CCDC171: variants seen among roughly 807,000 people sequenced by gnomAD.
CCDC171 encodes coiled-coil domain-containing protein 171.
A neutral mutation model predicts 168.2 loss-of-function variants in CCDC171; 177 were observed. The ratio of observed to expected loss-of-function variants is 1.05; its 90% CI spans 0.93 to 1.19. The LOEUF is 1.19. Ranked by LOEUF, CCDC171 falls within the 50% of genes most tolerant of loss-of-function variation. CCDC171 has a pLI of 0.00. For synonymous variants in CCDC171, 687 were observed against 540.8 expected (o/e 1.27, Z -3.75); for missense variants, 1,991 against 1,539.0 (o/e 1.29, Z -4.91).
chr9:15,557,280 A>G (rs2038889208), intron 1 of CCDC171, among the ~76,000 whole-genome samples: 1 of 152,166 alleles, frequency 6.6e-6, no homozygotes, highest in South Asian at 2.1e-4. Flanking sequence ...CTGTGAAGAA[A>G]GTCATTGGTA....
downstream of CCDC171, among the ~76,000 whole-genome samples, chr9:16,062,085 C>G (rs1328018571): frequency 6.6e-6 from 1 of 152,130 alleles, no homozygotes; most frequent in African/African-American, 2.4e-5. Context: ...CAGAGCCAAC[C>G]CCAACACATC....
intron 18 of CCDC171, among the ~76,000 whole-genome samples, chr9:15,773,887 A>C (rs1173253509): frequency 1.3e-5 from 2 of 152,178 alleles, no homozygotes; most frequent in Non-Finnish European, 2.9e-5. Context: ...TTCACAATCT[A>C]TACATCCGAC....
chr9:16,081,876 G>A, the CCDC171 span, among the ~76,000 whole-genome samples: 64 of 151,520 alleles, frequency 4.2e-4, 1 homozygote, highest in Admixed American at 3.7e-3. Flanking sequence ...ACCCAGGACA[G>A]AGATGCTCAC....
intron 7 of CCDC171, 94 bp downstream of exon 7, chr9:15,623,507 A>ACACACACACACG: frequency 1.5e-6 from 1 of 662,460 alleles, no homozygotes; most frequent in East Asian, 3.3e-5. Flanking sequence ...ACACACACAC[A>ACACACACACACG]TAAAACCCAT....
chr9:16,030,856 G>A (rs1483777946), intron 6 of CCDC171, among the ~76,000 whole-genome samples: 4 of 152,290 alleles, frequency 2.6e-5, no homozygotes, highest in South Asian at 2.1e-4. Flanking sequence ...TCTGGGGAAC[G>A]CAGATATTTT....
intron 21 of CCDC171, among the ~76,000 whole-genome samples, chr9:15,806,895 A>G (rs1351072101): frequency 1.3e-5 from 2 of 152,050 alleles, no homozygotes; most frequent in African/African-American, 4.8e-5. Flanking sequence ...ACGTAATCCC[A>G]TGTTTCTCAG....
intron 11 of CCDC171, among the ~76,000 whole-genome samples, 160 bp downstream of exon 11, chr9:15,695,497 G>A (rs1007458093): frequency 5.9e-5 from 9 of 152,194 alleles, no homozygotes; most frequent in African/African-American, 2.2e-4. Context: ...GGCCTAGCTG[G>A]CTGAGAAAGG....
Position 15,571,735 on chromosome 9 carries a change from A to C in CCDC171, c.153A>C (p.Glu51Asp), listed in dbSNP as rs1397070890. The C allele has an allele frequency of 1.3e-6, 2 of 1,589,712 alleles. No individual in the cohort carries two copies. Among genetic ancestry groups the C allele is most frequent in the Non-Finnish European group, 1.7e-6 (2 of 1,174,202 alleles). ...ATTGGGCTAAAAAAGAAAAGTTAGA[A>C]ATAACAACCAAACACAATGCAGAGG... is the stretch of plus-strand genomic sequence containing the variant. ...KLHWAKKEKL[E>D]ITTKHNAELA... The change falls in exon 3 of 26, where the codon GAA (glutamate) becomes GAC (aspartate). Residue 51 changes from glutamate (E) to aspartate (D), a missense_variant. Physicochemically the swap from Glu to Asp is conservative, Grantham distance 45. Coordinates refer to ENST00000380701, the MANE Select transcript of CCDC171 (RefSeq NM_173550.4).
chr9:16,039,009 C>G (rs552991694), upstream of CCDC171, among the ~76,000 whole-genome samples: 4 of 152,140 alleles, frequency 2.6e-5, no homozygotes, highest in Admixed American at 1.3e-4. Context: ...CTTGAAGTCC[C>G]AAGAGGAACT....
rs561850582 is a variant in CCDC171 at position 15,645,305 on chromosome 9, G to T, written c.823-11822G>T. 1.5e-4 allele frequency among the ~76,000 whole-genome samples: 22 copies of T among 151,700 alleles called. No individual in the cohort carries two copies. The South Asian group carries it at 2.7e-3, about 19-fold the overall frequency. On this transcript the variant is annotated intron_variant, in intron 7 of 25. Transcript: ENST00000380701. ...GATGGGGAAAAAACAGAGCAGAAAA[G>T]CTGAAAATTCTAAAAATCAGAGCTC...
chr9:15,589,218 TGTG>T (rs2041813973), intron 4 of CCDC171, among the ~76,000 whole-genome samples: 1 of 152,126 alleles, frequency 6.6e-6, no homozygotes, highest in South Asian at 2.1e-4. Context: ...ACAAACACCT[TGTG>T]GTGTGGAAAA....
rs544613548 is a variant in CCDC171, at chr9:16,043,281, TG to T, written n.89+396del. Among the ~76,000 whole-genome samples the T allele has an allele frequency of 2.0e-5, 3 of 152,340 alleles. No individual in the cohort carries two copies. The South Asian group carries it at 6.2e-4, about 32-fold the overall frequency. ...GAGTAAAATTTTTATTATATATTTT[TG>T]TGTGTTAATGCCATTAGTGTATCCT... On this transcript the variant is annotated intron_variant and non_coding_transcript_variant, in intron 1 of 1. Transcript: ENST00000478913.
At chr9:15,562,365 T>C (rs531664233) in intron 1 of CCDC171, among the ~76,000 whole-genome samples, 1 of 152,268 alleles carries the variant, frequency 6.6e-6, no homozygotes, top group South Asian at 2.1e-4. Context: ...TTATATAATG[T>C]AATCATAAGA....
chr9:15,778,649 A>AAAAAAAG (rs2057482897), intron 19 of CCDC171, among the ~76,000 whole-genome samples: 1 of 149,598 alleles, frequency 6.7e-6, no homozygotes, highest in Non-Finnish European at 1.5e-5. Context: ...GTCTCAAAAA[A>AAAAAAAG]AAAAAAAAAA....
intron 21 of CCDC171, among the ~76,000 whole-genome samples, chr9:15,832,135 C>G (rs967564323): frequency 6.6e-6 from 1 of 152,094 alleles, no homozygotes; most frequent in African/African-American, 2.4e-5. Context: ...AAAGTCAAGT[C>G]TATAAAGAAT....
At chr9:15,822,075 A>C (rs1281120359) in intron 21 of CCDC171, among the ~76,000 whole-genome samples, 1 of 152,220 alleles carries the variant, frequency 6.6e-6, no homozygotes, top group East Asian at 1.9e-4. Context: ...AAAAACAAGA[A>C]ATGTGGAAAG....
At chr9:16,031,145 G>A (rs1349333674) in intron 6 of CCDC171, among the ~76,000 whole-genome samples, 1 of 152,084 alleles carries the variant, frequency 6.6e-6, no homozygotes, top group Non-Finnish European at 1.5e-5. Context: ...TTAGGTTTAA[G>A]GTGAATTTTA....
upstream of CCDC171, among the ~76,000 whole-genome samples, chr9:16,042,250 G>C (rs1297148054): frequency 6.6e-6 from 1 of 152,170 alleles, no homozygotes; most frequent in Non-Finnish European, 1.5e-5. Context: ...AGACCAGAGA[G>C]CCTTTTGCAG....
chr9:15,652,621 G>A (rs2047615495), intron 7 of CCDC171, among the ~76,000 whole-genome samples: 1 of 151,810 alleles, frequency 6.6e-6, no homozygotes. Context: ...TTTTTGTTTT[G>A]ATAGAGACAG....
Sources: allele counts gnomAD v4.1 joint callset (sites outside exome capture counted in the v4.1 genomes callset), GRCh38; gene constraint gnomAD v4.1.1; transcripts MANE v1.5; gene names NCBI Gene and HGNC (gene_info 2026-07-23, HGNC 2026-07-21).